PTPRM: variants seen among roughly 807,000 people sequenced by gnomAD.
PTPRM encodes the protein protein tyrosine phosphatase receptor type M, also known as receptor-type tyrosine-protein phosphatase mu.
PTPRM carries 47 observed loss-of-function variants against 186.7 expected under a neutral mutation model. The ratio of observed to expected loss-of-function variants is 0.25; its 90% CI spans 0.20 to 0.32. PTPRM has a LOEUF of 0.32. PTPRM is among the 10% of genes least tolerant of loss of function. PTPRM has a pLI of 1.00. For synonymous variants in PTPRM, 668 were observed against 674.9 expected (o/e 0.99, Z 0.16); for missense variants, 1,494 against 1,865.0 (o/e 0.80, Z 3.66).
rs2095329979 is a variant in PTPRM, at chr18:8,319,193, A to C, written c.2935A>C (p.Asn979His). 1 of 1,559,616 alleles carries C rather than the reference A, an allele frequency of 6.4e-7. No individual in the cohort carries two copies. Among genetic ancestry groups the C allele is most frequent in the South Asian group, 1.1e-5 (1 of 87,918 alleles). The change falls in exon 22 of 33, where the codon AAT becomes CAT. Residue 979 changes from asparagine to histidine, a missense_variant. Transcript: ENST00000580170. ...TTATTTTTAGGGTTATCATCGACCCAATCATTACATTGCTACCCAAGGTAA... is the reference window on the plus strand; with the variant it reads ...TTATTTTTAGGGTTATCATCGACCCCATCATTACATTGCTACCCAAGGTAA... The part of the protein sequence containing the change: ...GNYIDGYHRP[N>H]HYIATQGPMQ...
Position 7,600,818 on chromosome 18 carries a change from G to A in PTPRM, c.73+32927G>A, listed in dbSNP as rs148773096. Among the ~76,000 whole-genome samples the A allele has an allele frequency of 5.3e-4, 81 of 152,326 alleles. 1 individual carries two copies. In the East Asian group the frequency reaches 0.012, roughly 23 times the overall value. On this transcript the variant is annotated intron_variant, in intron 1 of 32. Coordinates refer to ENST00000580170, the MANE Select transcript of PTPRM (RefSeq NM_001105244.2). ...GCCCAAGAGGTGCCTAGAGGAAGAC[G>A]CTGCGCCCCTCAGTTCCCCTCTGCT... is the stretch of plus-strand genomic sequence containing the variant.
chr18:8,222,878 A>G (rs2147084515), intron 14 of PTPRM, among the ~76,000 whole-genome samples: 1 of 152,034 alleles, frequency 6.6e-6, no homozygotes, highest in South Asian at 2.1e-4. Context: ...TTGCAAGCCC[A>G]GGAGTTCGAG....
At chr18:8,182,072 C>T (rs2093583495) in intron 14 of PTPRM, among the ~76,000 whole-genome samples, 2 of 152,048 alleles carry the variant, frequency 1.3e-5, no homozygotes, top group Admixed American at 6.6e-5. Context: ...ATTATTGTAC[C>T]ATGAAAGGAA....
chr18:8,240,843 A>G (rs550186430), intron 14 of PTPRM, among the ~76,000 whole-genome samples: 14 of 80,046 alleles, frequency 1.7e-4, no homozygotes, highest in South Asian at 6.7e-4. Flanking sequence ...AGAAAGAAAG[A>G]AAAGAAAGAA....
At chr18:8,338,282 AAT>A (rs998762451) in intron 22 of PTPRM, among the ~76,000 whole-genome samples, 14 of 150,436 alleles carry the variant, frequency 9.3e-5, no homozygotes, top group East Asian at 5.8e-4. Context: ...ATAATTTAAA[AAT>A]ATATATATAT....
intron 14 of PTPRM, among the ~76,000 whole-genome samples, chr18:8,164,265 G>C (rs970969986): frequency 6.6e-6 from 1 of 152,188 alleles, no homozygotes; most frequent in African/African-American, 2.4e-5. Context: ...CCCTTTTTAA[G>C]TGTGCATTCA....
chr18:7,913,770 T>G (rs1255529156), intron 4 of PTPRM, among the ~76,000 whole-genome samples: 2 of 152,082 alleles, frequency 1.3e-5, no homozygotes, highest in East Asian at 3.9e-4. Flanking sequence ...AATCTTAAAA[T>G]TATACAGAAT....
intron 13 of PTPRM, among the ~76,000 whole-genome samples, chr18:8,118,210 AT>A (rs1600667620): frequency 6.6e-6 from 1 of 152,154 alleles, no homozygotes; most frequent in South Asian, 2.1e-4. Context: ...ATAAAATAAG[AT>A]TTTTTCATAA....
rs140550422 is a variant in PTPRM, at chr18:7,796,268, C to G, written c.196+21997C>G. Reference sequence around the variant, plus strand: ...TCAGTGCCTGTGGATGGCAGGTGCCCCTTATGCTCACACAAGTCACAGGCC... The same window carrying G: ...TCAGTGCCTGTGGATGGCAGGTGCCGCTTATGCTCACACAAGTCACAGGCC... On this transcript the variant is annotated intron_variant, in intron 2 of 32. Transcript: ENST00000580170. Among the ~76,000 whole-genome samples, 332 of 152,076 alleles carry G rather than the reference C, an allele frequency of 2.2e-3. 3 individuals are homozygous for G. Among genetic ancestry groups the G allele is most frequent in the Middle Eastern group, 3.4e-3 (1 of 292 alleles).
intron 14 of PTPRM, among the ~76,000 whole-genome samples, chr18:8,240,503 A>AAGGAAGGT (rs2094406572): frequency 3.1e-5 from 1 of 32,434 alleles, no homozygotes; most frequent in Non-Finnish European, 5.7e-5. Context: ...GAGAGAGAGG[A>AAGGAAGGT]AGGAAGGAAG....
At chr18:8,088,384 T>C (rs892337857) in intron 10 of PTPRM, among the ~76,000 whole-genome samples, 1 of 152,210 alleles carries the variant, frequency 6.6e-6, no homozygotes, top group Admixed American at 6.5e-5. Context: ...ACAGTTTATT[T>C]GAGAATTCAT....
intron 1 of PTPRM, among the ~76,000 whole-genome samples, chr18:7,676,567 G>A (rs772236339): frequency 2.6e-5 from 4 of 151,596 alleles, no homozygotes; most frequent in Non-Finnish European, 5.9e-5. Flanking sequence ...AGTTTGTCAA[G>A]GACAAATGTT....
Position 8,069,604 on chromosome 18 carries a change from G to A in PTPRM, c.1133-82G>A, listed in dbSNP as rs565156341. ...GAGACCAGGTGGTGGGGACAACTGG[G>A]AATATCTGTGACCTTTGGGATTGAC... On this transcript the variant is annotated intron_variant, in intron 7 of 32. Transcript: ENST00000580170. 1.6e-5 allele frequency: 20 copies of A among 1,251,156 alleles called. No individual in the cohort carries two copies. The Admixed American group carries it at 4.9e-4, about 30-fold the overall frequency. 77.5% of individuals were successfully genotyped at this position (1,251,156 alleles called of 1,614,324 possible).
At chr18:8,001,993 A>C (rs2083902006) in intron 7 of PTPRM, among the ~76,000 whole-genome samples, 1 of 152,216 alleles carries the variant, frequency 6.6e-6, no homozygotes, top group South Asian at 2.1e-4. Context: ...ATTAAGTTTC[A>C]GAACTTAAAA....
At chr18:7,923,289 A>G (rs1366847518) in intron 4 of PTPRM, among the ~76,000 whole-genome samples, 2 of 152,164 alleles carry the variant, frequency 1.3e-5, no homozygotes, top group African/African-American at 4.8e-5. Flanking sequence ...TGTCTGGGAA[A>G]TCCACTGGAG....
intron 2 of PTPRM, among the ~76,000 whole-genome samples, chr18:7,786,745 C>T (rs1314194683): frequency 6.6e-6 from 1 of 152,190 alleles, no homozygotes; most frequent in African/African-American, 2.4e-5. Context: ...CCCTTAGTTC[C>T]TGATTGTCCT....
intron 4 of PTPRM, among the ~76,000 whole-genome samples, chr18:7,924,868 A>G (rs749462762): frequency 6.6e-6 from 1 of 152,178 alleles, no homozygotes; most frequent in African/African-American, 2.4e-5. Flanking sequence ...AAAGGCACAG[A>G]TGGTGGGAAG....
At chr18:8,045,819 T>C (rs1301886283) in intron 7 of PTPRM, among the ~76,000 whole-genome samples, 1 of 152,220 alleles carries the variant, frequency 6.6e-6, no homozygotes, top group Admixed American at 6.5e-5. Context: ...TTTTATGACA[T>C]ATTAACTATA....
intron 19 of PTPRM, among the ~76,000 whole-genome samples, chr18:8,257,281 G>A (rs1479807921): frequency 6.6e-6 from 1 of 152,194 alleles, no homozygotes; most frequent in Non-Finnish European, 1.5e-5. Context: ...AGTTCTATAT[G>A]CCTGAGTCCC....
Sources: allele counts gnomAD v4.1 joint callset (sites outside exome capture counted in the v4.1 genomes callset), GRCh38; gene constraint gnomAD v4.1.1; transcripts MANE v1.5; gene names NCBI Gene and HGNC (gene_info 2026-07-23, HGNC 2026-07-21).